The following NRG1 variants were observed in gnomAD, a reference collection of about 807,000 sequenced individuals.
NRG1 encodes the protein neuregulin 1.
NRG1 carries 18 observed loss-of-function variants against 63.8 expected under a neutral mutation model. The observed-to-expected ratio is 0.28, with a 90% CI of 0.19 to 0.42. NRG1 has a LOEUF of 0.42. Among genes scored for constraint, NRG1 ranks in the 10% least tolerant of loss-of-function variants. NRG1 has a pLI of 1.00. For synonymous variants in NRG1, 302 were observed against 301.3 expected (o/e 1.00, Z -0.02); for missense variants, 762 against 814.7 (o/e 0.94, Z 0.79).
At chr8:32,358,368 G>A (rs1474977871) in intron 1 of NRG1, among the ~76,000 whole-genome samples, 5 of 99,002 alleles carry the variant, frequency 5.1e-5, no homozygotes, top group African/African-American at 4.3e-5. Context: ...TGCCATTTAT[G>A]AAAAAAAAAA....
At chr8:32,015,858 T>A (rs989936720) in intron 1 of NRG1, among the ~76,000 whole-genome samples, 1 of 152,066 alleles carries the variant, frequency 6.6e-6, no homozygotes, top group Non-Finnish European at 1.5e-5. Flanking sequence ...TTGTTTGTTT[T>A]TTTTTTTATT....
At chr8:31,702,953 A>C (rs1257573025) in intron 1 of NRG1, among the ~76,000 whole-genome samples, 2 of 151,686 alleles carry the variant, frequency 1.3e-5, no homozygotes, top group East Asian at 3.9e-4. Flanking sequence ...ATGCTTTTTC[A>C]TTGAGAAATT....
At chr8:31,950,836 T>G (rs2129623143) in intron 1 of NRG1, among the ~76,000 whole-genome samples, 1 of 152,348 alleles carries the variant, frequency 6.6e-6, no homozygotes, top group East Asian at 1.9e-4. Flanking sequence ...TTCATCAGCC[T>G]TGGGCATTTT....
intron 1 of NRG1, among the ~76,000 whole-genome samples, chr8:32,276,450 A>T (rs912751876): frequency 3.3e-5 from 5 of 152,134 alleles, no homozygotes; most frequent in African/African-American, 1.2e-4. Flanking sequence ...CCATCTATTG[A>T]TGGACACTTA....
chr8:32,469,203 CATT>C (rs1823465341), intron 1 of NRG1, among the ~76,000 whole-genome samples: 1 of 152,162 alleles, frequency 6.6e-6, no homozygotes, highest in African/African-American at 2.4e-5. Context: ...CATGTGGCAT[CATT>C]GAGAGAGTCA....
At chr8:31,808,637 T>C (rs892515366) in intron 1 of NRG1, among the ~76,000 whole-genome samples, 2 of 152,094 alleles carry the variant, frequency 1.3e-5, no homozygotes, top group Admixed American at 6.6e-5. Flanking sequence ...CTCATAGTTA[T>C]TGTTAAAGTT....
chr8:31,663,540 G>A (rs542049306), intron 1 of NRG1, among the ~76,000 whole-genome samples: 1 of 152,120 alleles, frequency 6.6e-6, no homozygotes, highest in African/African-American at 2.4e-5. Context: ...ATGGATAGAA[G>A]ATTGAAGGTC....
intron 7 of NRG1, among the ~76,000 whole-genome samples, chr8:32,750,479 C>T (rs1403708493): frequency 6.6e-6 from 1 of 151,980 alleles, no homozygotes; most frequent in Non-Finnish European, 1.5e-5. Context: ...GCCTGCAGTC[C>T]CGGACCATGG....
chr8:31,819,924 T>C (rs1168139108), intron 1 of NRG1, among the ~76,000 whole-genome samples: 1 of 152,230 alleles, frequency 6.6e-6, no homozygotes, highest in African/African-American at 2.4e-5. Flanking sequence ...TTATTCAAAT[T>C]CTTCATCTTT....
chr8:32,233,813 C>A (rs145074061), intron 1 of NRG1, among the ~76,000 whole-genome samples: 5 of 152,026 alleles, frequency 3.3e-5, no homozygotes, highest in South Asian at 2.1e-4. Flanking sequence ...TCCACCCCCC[C>A]ATCAGCCTCC....
At chr8:32,434,289 A>G (rs1297977059) in intron 1 of NRG1, among the ~76,000 whole-genome samples, 2 of 152,214 alleles carry the variant, frequency 1.3e-5, no homozygotes, top group Non-Finnish European at 2.9e-5. Context: ...TAAACGTTGT[A>G]TATATGTTAT....
At chr8:31,936,229 C>T (rs987848655) in intron 1 of NRG1, among the ~76,000 whole-genome samples, 5 of 152,110 alleles carry the variant, frequency 3.3e-5, no homozygotes, top group Non-Finnish European at 7.4e-5. Flanking sequence ...TTAAGTATAT[C>T]GCGGTGTACA....
chr8:31,659,790 T>G (rs1468122340), intron 1 of NRG1, among the ~76,000 whole-genome samples: 2 of 152,184 alleles, frequency 1.3e-5, no homozygotes, highest in African/African-American at 4.8e-5. Flanking sequence ...GCATTTAGAA[T>G]ATCTTAGCAG....
At chr8:32,759,562 A>C in intron 10 of NRG1, 126 bp downstream of exon 10, 1 of 1,180,048 alleles carries the variant, frequency 8.5e-7, no homozygotes, top group South Asian at 1.7e-5. Context: ...CAGATTTTGA[A>C]AATCAACTGG....
At chr8:31,811,220 T>G (rs571588440) in intron 1 of NRG1, among the ~76,000 whole-genome samples, 1 of 152,310 alleles carries the variant, frequency 6.6e-6, no homozygotes, top group East Asian at 1.9e-4. Flanking sequence ...GCTGTGTGTA[T>G]TGCTTGACTC....
At chr8:32,428,723 G>A (rs1003486580) in intron 1 of NRG1, among the ~76,000 whole-genome samples, 1 of 152,116 alleles carries the variant, frequency 6.6e-6, no homozygotes, top group African/African-American at 2.4e-5. Flanking sequence ...ATAATTCCCG[G>A]TTATTGCATC....
At chr8:32,336,788 T>G (rs1803324078) in intron 1 of NRG1, among the ~76,000 whole-genome samples, 1 of 152,128 alleles carries the variant, frequency 6.6e-6, no homozygotes, top group African/African-American at 2.4e-5. Context: ...TTTTGTATTT[T>G]CAGTAGAGAT....
intron 1 of NRG1, among the ~76,000 whole-genome samples, chr8:32,170,920 C>A (rs1839957276): frequency 6.6e-6 from 1 of 152,340 alleles, no homozygotes; most frequent in Admixed American, 6.5e-5. Context: ...TCCTTCCCTG[C>A]TTCCTCTCAT....
chr8:32,333,601 G>A (rs1802906941), intron 1 of NRG1, among the ~76,000 whole-genome samples: 1 of 152,138 alleles, frequency 6.6e-6, no homozygotes, highest in South Asian at 2.1e-4. Context: ...TCACTTAAAT[G>A]TATGAGAAGA....
Sources: gnomAD v4.1 joint callset for allele counts (sites outside exome capture counted in the v4.1 genomes callset) on GRCh38, gnomAD v4.1.1 for gene constraint, MANE v1.5 for transcripts, NCBI Gene and HGNC (gene_info 2026-07-23, HGNC 2026-07-21) for gene names.